Variants in TAF2 observed in about 807,000 individuals in gnomAD.
TAF2 encodes transcription initiation factor TFIID subunit 2.
TAF2 carries 61 observed loss-of-function variants against 138.5 expected under a neutral mutation model. That is an observed-to-expected ratio of 0.44 (90% CI 0.36 to 0.54). The LOEUF is 0.54. Among genes scored for constraint, TAF2 ranks in the 20% least tolerant of loss-of-function variants. The pLI is 0.00. For synonymous variants in TAF2, 475 were observed against 469.9 expected (o/e 1.01, Z -0.14); for missense variants, 1,090 against 1,427.9 (o/e 0.76, Z 3.81).
chr8:119,786,152 C>A (rs1187215432), intron 14 of TAF2, among the ~76,000 whole-genome samples: 1 of 152,092 alleles, frequency 6.6e-6, no homozygotes, highest in Admixed American at 6.5e-5. Context: ...TCATCTCTCA[C>A]TGTTCAGAAT....
At chr8:119,812,714 C>T (rs1825159442) in intron 3 of TAF2, among the ~76,000 whole-genome samples, 1 of 132,562 alleles carries the variant, frequency 7.5e-6, no homozygotes, top group Non-Finnish European at 1.6e-5. Context: ...GAGTAGTATT[C>T]CATGGTGTGT....
At chr8:119,770,468 A>G (rs1225304983) in intron 18 of TAF2, among the ~76,000 whole-genome samples, 1 of 152,202 alleles carries the variant, frequency 6.6e-6, no homozygotes, top group Non-Finnish European at 1.5e-5. Flanking sequence ...AAAAATTGCC[A>G]GCCAAGAATT....
chr8:119,811,029 T>C (rs1163464571), intron 3 of TAF2, among the ~76,000 whole-genome samples: 1 of 152,116 alleles, frequency 6.6e-6, no homozygotes, highest in Non-Finnish European at 1.5e-5. Context: ...AAGTCAAAAA[T>C]TACAGTGTAA....
intron 11 of TAF2, among the ~76,000 whole-genome samples, chr8:119,790,351 G>T (rs1823331453): frequency 6.6e-6 from 1 of 152,038 alleles, no homozygotes; most frequent in South Asian, 2.1e-4. Context: ...TAGATGAGAG[G>T]ATCCCTTGAG....
At chr8:119,812,215 T>C (rs1054427051) in intron 3 of TAF2, among the ~76,000 whole-genome samples, 9 of 152,206 alleles carry the variant, frequency 5.9e-5, no homozygotes, top group African/African-American at 1.2e-4. Flanking sequence ...GTGTGAGTTA[T>C]AGCATCCTAT....
chr8:119,831,633 A>G (rs1826451812), intron 2 of TAF2, 44 bp downstream of exon 2: 1 of 1,424,256 alleles, frequency 7.0e-7, no homozygotes, highest in East Asian at 2.3e-5. Flanking sequence ...GTTACTCTTT[A>G]TAGTGGACTT....
At position 119,775,206 on chromosome 8, in the gene TAF2, G is replaced by A. The variant is rs959242292; in HGVS notation, c.2364+2813C>T. Among the ~76,000 whole-genome samples, 5 of 148,986 alleles carry A rather than the reference G, an allele frequency of 3.4e-5. No individual in the cohort carries two copies. The East Asian group carries it at 5.9e-4, about 18-fold the overall frequency. On this transcript the variant is annotated intron_variant, in intron 18 of 25. Transcript: ENST00000378164. ...CGAGGCAGGAGAATCGCTTAAACCC[G>A]GGAGGCAGAGGTTGCAGTGAGCTGG...
chr8:119,831,308 G>C (rs1826431436), intron 2 of TAF2, among the ~76,000 whole-genome samples: 1 of 152,146 alleles, frequency 6.6e-6, no homozygotes, highest in African/African-American at 2.4e-5. Context: ...TGGCCTCTTA[G>C]AAGCCAAGTC....
At position 119,731,624 on chromosome 8, in the gene TAF2, C is replaced by T. The variant is rs542190791; in HGVS notation, c.*300G>A. ...GGCGGTACACATGGAGACCATGATG[C>T]GAACGGGGACTGCCAGTGGATATGA... On this transcript the variant is annotated 3_prime_UTR_variant, in exon 26 of 26. Transcript: ENST00000378164. 4.4e-4 allele frequency: 173 copies of T among 393,144 alleles called. No individual in the cohort carries two copies. The highest frequency in any genetic ancestry group is 3.2e-3 in the African/African-American group (157 of 49,260). The allele number at this position is 393,144 out of a possible 1,614,324, so 24.4% of individuals were successfully genotyped here.
intron 23 of TAF2, chr8:119,744,627 A>G: frequency 1.9e-6 from 1 of 532,146 alleles, no homozygotes; most frequent in Non-Finnish European, 3.4e-6. Context: ...ACTAAAATCT[A>G]CTCCTATTTT....
rs141961472 is a variant in TAF2 at position 119,756,016 on chromosome 8, A to G, written c.2868T>C (p.Leu956=). ...TCCCTGCTCTCTCACCAGAATTCAT[A>G]AGTTTCCAAAGTTGATCTACCAGGG... ...NEALVDQLWK[L]MNSGTSHDWR... is the part of the protein sequence containing the mutation. The change falls in exon 22 of 26, where the codon CTT becomes CTC. Residue 956 remains leucine (L), a synonymous_variant. Coordinates refer to ENST00000378164, the MANE Select transcript of TAF2 (RefSeq NM_003184.4). 550 of 1,610,630 alleles carry G rather than the reference A, an allele frequency of 3.4e-4. 2 individuals carry two copies. The African/African-American group carries it at 6.5e-3, about 19-fold the overall frequency.
chr8:119,733,764 A>AAT (rs988149150), intron 25 of TAF2, among the ~76,000 whole-genome samples: 1 of 149,856 alleles, frequency 6.7e-6, no homozygotes, highest in African/African-American at 2.4e-5. Flanking sequence ...GATTCTCATA[A>AAT]ATATCTCTTA....
At chr8:119,753,499 A>G (rs1001712124) in intron 22 of TAF2, among the ~76,000 whole-genome samples, 2 of 152,162 alleles carry the variant, frequency 1.3e-5, no homozygotes, top group Non-Finnish European at 2.9e-5. Context: ...CATTGTTCAT[A>G]TTGTTCTCAT....
intron 2 of TAF2, among the ~76,000 whole-genome samples, chr8:119,824,679 C>G (rs970135869): frequency 6.6e-6 from 1 of 152,140 alleles, no homozygotes; most frequent in Non-Finnish European, 1.5e-5. Flanking sequence ...GGACTTGATG[C>G]CCTGCATCCT....
chr8:119,786,420 T>C (rs917903101), intron 14 of TAF2, among the ~76,000 whole-genome samples: 1 of 152,168 alleles, frequency 6.6e-6, no homozygotes, highest in African/African-American at 2.4e-5. Context: ...TTGTCTTGAA[T>C]TTTTTTCTAG....
At chr8:119,823,318 G>T (rs756225508) in intron 2 of TAF2, among the ~76,000 whole-genome samples, 9 of 152,140 alleles carry the variant, frequency 5.9e-5, no homozygotes, top group Non-Finnish European at 1.2e-4. Flanking sequence ...ACATGTTTGG[G>T]CTGTGTCCCC....
rs1204341489 is a variant in TAF2 at position 119,808,401 on chromosome 8, TACC to T, written c.300-2003_300-2001del. Among the ~76,000 whole-genome samples the T allele has an allele frequency of 2.0e-5, 3 of 152,226 alleles. No individual in the cohort carries two copies. The East Asian group carries it at 5.8e-4, about 29-fold the overall frequency. ...CTAATTCTAGTTTCATTGCTATTTC[TACC>T]ACAACTGCAGTTACTTCCTTCTCTA... On this transcript the variant is annotated intron_variant, in intron 3 of 25. Coordinates refer to ENST00000378164, the MANE Select transcript of TAF2 (RefSeq NM_003184.4).
chr8:119,760,720 C>A lies in TAF2; in HGVS notation c.2577G>T (p.Arg859=). ...TITVSCLRAI[R]VLQKNGHVPS... is the part of the protein sequence containing the mutation. ...GCACATGTCCGTTCTTCTGAAGTAC[C>A]CGTATGGCTCTCAAACAACTAGGGA... Residue 859 remains arginine, a synonymous_variant, in exon 20 of 26, where the codon CGG becomes CGT. Transcript: ENST00000378164. 6.2e-7 allele frequency: 1 copy of A among 1,613,902 alleles called. No homozygotes were observed. The highest frequency in any genetic ancestry group is 8.5e-7 in the Non-Finnish European group (1 of 1,179,916).
chr8:119,788,822 C>T lies in TAF2; in HGVS notation c.1651G>A (p.Asp551Asn), dbSNP rs1204910856. 4 of 1,613,704 alleles carry T rather than the reference C, an allele frequency of 2.5e-6. No individual in the cohort carries two copies. In the African/African-American group the frequency reaches 5.3e-5, roughly 22 times the overall value. ...RNVLELEIKQ[D>N]YTSPGTQKYV... ...TTCTGAGTTCCAGGAGATGTATAGT[C>T]CTGTTTTATTTCCAGTTCCAAGACA... Residue 551 changes from aspartate (D) to asparagine (N), a missense_variant, in exon 13 of 26, where the codon GAC becomes AAC. Asp to Asn is a conservative substitution (Grantham distance 23). Around this residue, in one of 3 missense-constraint regions of TAF2, gnomAD observed 504 missense variants for 680.9 expected, o/e 0.74. Coordinates refer to ENST00000378164, the MANE Select transcript of TAF2 (RefSeq NM_003184.4).
Sources: gnomAD v4.1 joint callset for allele counts (sites outside exome capture counted in the v4.1 genomes callset) on GRCh38, gnomAD v4.1.1 for gene constraint, gnomAD v4.1.1 regional missense constraint, MANE v1.5 for transcripts, NCBI Gene and HGNC (gene_info 2026-07-23, HGNC 2026-07-21) for gene names.